The following SLC25A48 variants were observed in gnomAD, a reference collection of about 807,000 sequenced individuals.
The protein encoded by SLC25A48 is CTC-321K16.1.
A neutral mutation model predicts 32.2 loss-of-function variants in SLC25A48; 29 were observed. The observed-to-expected ratio is 0.90, with a 90% CI of 0.67 to 1.23. The LOEUF (loss-of-function observed/expected upper bound fraction) is 1.23, where lower values mean the gene tolerates loss of function less well. SLC25A48 is among the 50% of genes most tolerant of loss of function. The probability of loss-of-function intolerance (pLI) is 0.00; values close to 1 mark genes in which losing one functional copy is unlikely to be tolerated. For synonymous variants in SLC25A48, 164 were observed against 172.3 expected (o/e 0.95, Z 0.38); for missense variants, 399 against 422.7 (o/e 0.94, Z 0.49).
At chr5:135,580,567 C>T (rs559117582) in intron 1 of SLC25A48, among the ~76,000 whole-genome samples, 16 of 152,288 alleles carry the variant, frequency 1.1e-4, no homozygotes, top group African/African-American at 1.7e-4. Flanking sequence ...AGCGCCTATG[C>T]GTGCTGTTGT....
intron 6 of SLC25A48, among the ~76,000 whole-genome samples, chr5:135,879,365 T>C (rs1762272112): frequency 6.6e-6 from 1 of 152,178 alleles, no homozygotes; most frequent in Admixed American, 6.5e-5. Flanking sequence ...AATTCTATTA[T>C]TACCCGCCCC....
chr5:135,645,093 T>A (rs1004612041), intron 3 of SLC25A48, among the ~76,000 whole-genome samples: 2 of 152,232 alleles, frequency 1.3e-5, no homozygotes, highest in African/African-American at 4.8e-5. Flanking sequence ...CAGTTTGGAA[T>A]GAAACCAACT....
intron 7 of SLC25A48, chr5:135,883,486 C>T: frequency 1.0e-6 from 1 of 985,322 alleles, no homozygotes; most frequent in Non-Finnish European, 1.2e-6. Context: ...CTCTGCCTAG[C>T]TTCCAAGAGG....
intron 4 of SLC25A48, among the ~76,000 whole-genome samples, chr5:135,816,482 T>C (rs1757721970): frequency 6.6e-6 from 1 of 152,210 alleles, no homozygotes; most frequent in African/African-American, 2.4e-5. Flanking sequence ...CTACTGTCTA[T>C]TACTCAATAA....
At chr5:135,749,150 C>G (rs1755710401) in intron 3 of SLC25A48, among the ~76,000 whole-genome samples, 1 of 152,096 alleles carries the variant, frequency 6.6e-6, no homozygotes. Flanking sequence ...TCTAGTCACA[C>G]AGGGTTCTCC....
intron 3 of SLC25A48, among the ~76,000 whole-genome samples, chr5:135,665,452 GTTTAT>G (rs1753499687): frequency 6.6e-6 from 1 of 151,862 alleles, no homozygotes. Flanking sequence ...ATTTATTTTT[GTTTAT>G]TTTATTTTAT....
intron 1 of SLC25A48, among the ~76,000 whole-genome samples, chr5:135,588,530 G>C (rs1480802390): frequency 4.6e-5 from 7 of 152,260 alleles, no homozygotes; most frequent in South Asian, 2.1e-4. Context: ...CTTGCCAGCA[G>C]GCTGAGAGAA....
chr5:135,704,314 T>C (rs57262911), intron 3 of SLC25A48, among the ~76,000 whole-genome samples: 3,628 of 152,342 alleles, frequency 0.024, 142 homozygotes, highest in African/African-American at 0.081. Context: ...GCCCCAGCCC[T>C]GGGCCTGTCT....
At chr5:135,765,950 G>T (rs116467167) in intron 3 of SLC25A48, among the ~76,000 whole-genome samples, 1 of 151,680 alleles carries the variant, frequency 6.6e-6, no homozygotes, top group Non-Finnish European at 1.5e-5. Context: ...TTTTCATATC[G>T]TGGATTGCAT....
intron 4 of SLC25A48, among the ~76,000 whole-genome samples, chr5:135,865,251 T>C (rs927061200): frequency 1.3e-5 from 2 of 152,186 alleles, no homozygotes; most frequent in Non-Finnish European, 1.5e-5. Context: ...AGCATCTGCC[T>C]ATCTTGGGCC....
chr5:135,727,930 T>C (rs1755126775), intron 3 of SLC25A48, among the ~76,000 whole-genome samples: 2 of 152,154 alleles, frequency 1.3e-5, no homozygotes, highest in Middle Eastern at 3.2e-3. Context: ...TTTGCTGGGA[T>C]TTTGATAGAA....
chr5:135,645,454 G>A (rs1221833259), intron 3 of SLC25A48, among the ~76,000 whole-genome samples: 4 of 152,226 alleles, frequency 2.6e-5, no homozygotes, highest in East Asian at 1.9e-4. Context: ...GGACGAAATG[G>A]GGATTTTTTT....
chr5:135,793,233 T>C (rs1580886527), intron 3 of SLC25A48, among the ~76,000 whole-genome samples: 2 of 151,712 alleles, frequency 1.3e-5, no homozygotes, highest in Admixed American at 6.6e-5. Context: ...TATAATATCC[T>C]TGGGAGTTAT....
At chr5:135,884,164 G>C (rs1762641353) in intron 7 of SLC25A48, among the ~76,000 whole-genome samples, 1 of 152,124 alleles carries the variant, frequency 6.6e-6, no homozygotes, top group Non-Finnish European at 1.5e-5. Flanking sequence ...GTCTTCCTTG[G>C]TTTCTCCACT....
chr5:135,736,113 T>C (rs1288673051), intron 3 of SLC25A48, among the ~76,000 whole-genome samples: 1 of 151,116 alleles, frequency 6.6e-6, no homozygotes, highest in Non-Finnish European at 1.5e-5. Flanking sequence ...AAAAGGAAGA[T>C]TGGAAAGACT....
At chr5:135,666,471 C>A (rs2126938395) in intron 3 of SLC25A48, among the ~76,000 whole-genome samples, 1 of 152,276 alleles carries the variant, frequency 6.6e-6, no homozygotes, top group Middle Eastern at 3.4e-3. Flanking sequence ...AAACCCAATT[C>A]TAATCACTCC....
intron 4 of SLC25A48, chr5:135,826,068 C>G (rs1226245912): frequency 6.6e-6 from 1 of 152,288 alleles, no homozygotes; most frequent in Non-Finnish European, 1.5e-5. Context: ...CCCTGGCACT[C>G]AGGCCTGTAT....
intron 3 of SLC25A48, among the ~76,000 whole-genome samples, chr5:135,733,120 A>T (rs745900597): frequency 1.3e-5 from 2 of 152,198 alleles, no homozygotes; most frequent in African/African-American, 4.8e-5. Context: ...GTCCTTTTGC[A>T]AGGGCGAGGG....
At chr5:135,793,610 T>G (rs1757090073) in intron 3 of SLC25A48, among the ~76,000 whole-genome samples, 1 of 151,920 alleles carries the variant, frequency 6.6e-6, no homozygotes, top group African/African-American at 2.4e-5. Flanking sequence ...TTGGATATTA[T>G]TCATAACATT....
Sources: allele counts gnomAD v4.1 joint callset (sites outside exome capture counted in the v4.1 genomes callset), GRCh38; gene constraint gnomAD v4.1.1; transcripts MANE v1.5; gene names NCBI Gene and HGNC (gene_info 2026-07-23, HGNC 2026-07-21).